The following MBTPS1 variants were observed in gnomAD, a reference collection of about 807,000 sequenced individuals.
MBTPS1 encodes membrane bound transcription factor peptidase, site 1.
Under a neutral mutation model 127.8 loss-of-function variants are expected in MBTPS1, and 94 were observed. The ratio of observed to expected loss-of-function variants is 0.74; its 90% confidence interval spans 0.62 to 0.87. The LOEUF is 0.87. Among genes scored for constraint, MBTPS1 ranks in the 40% least tolerant of loss-of-function variants. MBTPS1 has a pLI of 0.00. For missense variants in MBTPS1, 1,636 were observed against 1,353.2 expected, an observed-to-expected ratio of 1.21 and a Z score of -3.28; for synonymous variants, 632 against 509.4, an observed-to-expected ratio of 1.24 and a Z score of -3.24.
chr16:84,090,655 G>A (rs2086092435), intron 8 of MBTPS1, among the ~76,000 whole-genome samples: 1 of 152,136 alleles, frequency 6.6e-6, no homozygotes, highest in Admixed American at 6.5e-5. Flanking sequence ...ATAAATAGAA[G>A]GAAGACCGGC....
chr16:84,112,650 A>T (rs2086413664), intron 1 of MBTPS1, among the ~76,000 whole-genome samples: 1 of 141,394 alleles, frequency 7.1e-6, no homozygotes. Flanking sequence ...CAACAGAGCG[A>T]GACTCGGTCT....
In MBTPS1 at chr16:84,100,999, C is replaced by CAAAA. The variant is rs562200642; in HGVS notation, c.163+618_163+621dup. On this transcript the variant is annotated intron_variant, in intron 2 of 22. Transcript: ENST00000343411. ...TGAAACCCCGTCTCTACTAAAAATACAAAAAAAAAAAAAAAAAAAGGCCTG... is the reference window on the plus strand; with the variant it reads ...TGAAACCCCGTCTCTACTAAAAATACAAAAAAAAAAAAAAAAAAAAAAAGGCCTG... 3.4e-3 allele frequency among the ~76,000 whole-genome samples: 230 copies of CAAAA among 68,540 alleles called. 4 individuals are homozygous for CAAAA. Among genetic ancestry groups the CAAAA allele is most frequent in the African/African-American group, 0.012 (213 of 17,842 alleles). 45.0% of individuals were successfully genotyped at this position (68,540 alleles called of 152,430 possible).
chr16:84,055,311 T>C (rs2085506426), intron 22 of MBTPS1, among the ~76,000 whole-genome samples: 1 of 152,194 alleles, frequency 6.6e-6, no homozygotes, highest in African/African-American at 2.4e-5. Context: ...GGGGTGCCCC[T>C]TCCTGATCCC....
chr16:84,102,933 G>T (rs943631960), intron 1 of MBTPS1, among the ~76,000 whole-genome samples: 1 of 152,144 alleles, frequency 6.6e-6, no homozygotes, highest in African/African-American at 2.4e-5. Flanking sequence ...CCTGCTAAAT[G>T]TGTTATAAAA....
Position 84,054,071 on chromosome 16 carries a change from A to C in MBTPS1, c.*378T>G, listed in dbSNP as rs1248012504. On this transcript the variant is annotated 3_prime_UTR_variant, in exon 23 of 23. Transcript: ENST00000343411. ...TGACTTTTCCCAACAATAAATATAG[A>C]AAATAGCCTTTAACAAGCGTCTTTT... is the stretch of plus-strand genomic sequence containing the variant. 1 of 165,984 alleles carries C rather than the reference A, an allele frequency of 6.0e-6. No homozygotes were observed. The highest frequency in any genetic ancestry group is 1.3e-5 in the Non-Finnish European group (1 of 76,112). The allele number at this position is 165,984 out of a possible 1,614,324, so 10.3% of individuals were successfully genotyped here. A position where few individuals can be genotyped will look rare whatever the true frequency, so the allele number is the denominator to read the frequency against.
chr16:84,090,031 G>A (rs537165902), intron 8 of MBTPS1, among the ~76,000 whole-genome samples: 43 of 152,136 alleles, frequency 2.8e-4, no homozygotes, highest in Non-Finnish European at 5.7e-4. Flanking sequence ...CTCTAACAAG[G>A]TTCACGATCA....
chr16:84,076,963 C>T (rs972990481), intron 11 of MBTPS1, among the ~76,000 whole-genome samples: 2 of 152,142 alleles, frequency 1.3e-5, no homozygotes, highest in African/African-American at 2.4e-5. Flanking sequence ...AAGTGACTCA[C>T]GCGTGTCATC....
At chr16:84,097,965 C>G (rs1184142866) in intron 3 of MBTPS1, among the ~76,000 whole-genome samples, 2 of 151,626 alleles carry the variant, frequency 1.3e-5, no homozygotes, top group African/African-American at 4.9e-5. Context: ...CTTCTTCCTT[C>G]TGATGAAAGA....
chr16:84,109,286 G>A (rs1012783356), intron 1 of MBTPS1, among the ~76,000 whole-genome samples: 7 of 152,170 alleles, frequency 4.6e-5, no homozygotes, highest in Non-Finnish European at 1.5e-5. Flanking sequence ...CAAAATCCGG[G>A]ACAATCTGAG....
chr16:84,063,953 A>G (rs956511022), intron 18 of MBTPS1, among the ~76,000 whole-genome samples: 4 of 152,224 alleles, frequency 2.6e-5, no homozygotes, highest in African/African-American at 9.6e-5. Flanking sequence ...ATGTCCACAT[A>G]TTTATATTTA....
At chr16:84,066,924 G>A (rs1056307742) in intron 16 of MBTPS1, among the ~76,000 whole-genome samples, 18 of 152,278 alleles carry the variant, frequency 1.2e-4, no homozygotes, top group Admixed American at 1.1e-3. Context: ...TGAGAAAGAA[G>A]CATAGAAATG....
At chr16:84,093,336 G>T in intron 5 of MBTPS1, 39 bp from the exon 6 acceptor site, 2 of 1,332,360 alleles carry the variant, frequency 1.5e-6, no homozygotes, top group Non-Finnish European at 2.2e-6. Context: ...AAAACACACT[G>T]AATAGCAAGT....
chr16:84,088,984 C>T (rs2086067417), intron 8 of MBTPS1, among the ~76,000 whole-genome samples: 1 of 152,246 alleles, frequency 6.6e-6, no homozygotes, highest in Non-Finnish European at 1.5e-5. Flanking sequence ...CATAAACTCA[C>T]AACTCTGGTA....
chr16:84,091,878 T>C, intron 6 of MBTPS1, 30 bp from the exon 7 acceptor site: 1 of 1,273,766 alleles, frequency 7.9e-7, no homozygotes, highest in Non-Finnish European at 1.2e-6. Flanking sequence ...GTCTGCTTAG[T>C]GTTTCAATCA....
intron 5 of MBTPS1, among the ~76,000 whole-genome samples, 188 bp downstream of exon 5, chr16:84,093,523 T>A (rs1327224501): frequency 2.0e-5 from 3 of 152,148 alleles, no homozygotes; most frequent in Non-Finnish European, 4.4e-5. Flanking sequence ...ACACCAGGCA[T>A]GCCCACTCTC....
intron 1 of MBTPS1, among the ~76,000 whole-genome samples, chr16:84,104,709 C>G (rs576603583): frequency 6.6e-6 from 1 of 152,180 alleles, no homozygotes; most frequent in South Asian, 2.1e-4. Context: ...GGCTGATGTT[C>G]TCTTACAACT....
At chr16:84,103,349 C>G (rs1384094084) in intron 1 of MBTPS1, among the ~76,000 whole-genome samples, 1 of 151,392 alleles carries the variant, frequency 6.6e-6, no homozygotes, top group Non-Finnish European at 1.5e-5. Flanking sequence ...GCCTCAACTT[C>G]CTGGGCTCAA....
At chr16:84,108,662 G>C (rs1392599359) in intron 1 of MBTPS1, among the ~76,000 whole-genome samples, 3 of 152,178 alleles carry the variant, frequency 2.0e-5, no homozygotes, top group Non-Finnish European at 4.4e-5. Context: ...GTTCATGGGA[G>C]AATGGCAGAA....
At chr16:84,115,823 T>A (rs979296521) in intron 1 of MBTPS1, among the ~76,000 whole-genome samples, 4 of 152,188 alleles carry the variant, frequency 2.6e-5, no homozygotes, top group African/African-American at 9.7e-5. Flanking sequence ...GCTGTAAATT[T>A]ACTAAAAACC....
Sources: allele counts gnomAD v4.1 joint callset (sites outside exome capture counted in the v4.1 genomes callset), GRCh38; gene constraint gnomAD v4.1.1; transcripts MANE v1.5; gene names NCBI Gene and HGNC (gene_info 2026-07-23, HGNC 2026-07-21).